GALNTL6: variants seen among roughly 807,000 people sequenced by gnomAD.
GALNTL6 encodes the protein polypeptide N-acetylgalactosaminyltransferase like 6.
In GALNTL6, 46 loss-of-function variants were observed where a neutral mutation model predicts 73.7. That is an observed-to-expected ratio of 0.62 (90% CI 0.49 to 0.80). GALNTL6 has a LOEUF of 0.80. Among genes scored for constraint, GALNTL6 ranks in the 30% least tolerant of loss-of-function variants. The pLI, the probability that GALNTL6 is intolerant of heterozygous loss-of-function variation, is 0.00. For missense variants in GALNTL6, 604 were observed against 755.0 expected (o/e 0.80, Z 2.34); for synonymous variants, 259 against 263.7 (o/e 0.98, Z 0.17).
chr4:171,839,847 T>C (rs1268977482), intron 2 of GALNTL6, among the ~76,000 whole-genome samples: 1 of 152,140 alleles, frequency 6.6e-6, no homozygotes, highest in Non-Finnish European at 1.5e-5. Flanking sequence ...CTCTTTATCA[T>C]GCCTTTCATT....
intron 7 of GALNTL6, among the ~76,000 whole-genome samples, chr4:172,870,536 G>A (rs1744871829): frequency 1.3e-5 from 2 of 152,058 alleles, no homozygotes; most frequent in Non-Finnish European, 2.9e-5. Flanking sequence ...TTTGGCCCAG[G>A]GCCTGTGTGC....
chr4:172,209,054 C>T (rs1736237795), intron 2 of GALNTL6, among the ~76,000 whole-genome samples: 1 of 152,036 alleles, frequency 6.6e-6, no homozygotes, highest in Admixed American at 6.6e-5. Flanking sequence ...CCTGATTCTA[C>T]TCTCTATATT....
At chr4:172,109,364 G>A (rs1180963441) in intron 2 of GALNTL6, among the ~76,000 whole-genome samples, 1 of 152,156 alleles carries the variant, frequency 6.6e-6, no homozygotes, top group African/African-American at 2.4e-5. Context: ...GACTTGGAAT[G>A]GTCCTAGAAT....
At chr4:172,016,862 TAG>T (rs1454703908) in intron 2 of GALNTL6, among the ~76,000 whole-genome samples, 2 of 152,130 alleles carry the variant, frequency 1.3e-5, no homozygotes, top group Admixed American at 1.3e-4. Flanking sequence ...TCCTTAGTTA[TAG>T]AGAGTCTTTA....
intron 2 of GALNTL6, among the ~76,000 whole-genome samples, chr4:171,924,645 T>A (rs7674002): frequency 0.57 from 87,318 of 152,032 alleles, 27,565 homozygotes; most frequent in African/African-American, 0.84. Context: ...AGCATAGCAC[T>A]TGCCTGTCAC....
rs1373864526 is a variant in GALNTL6 at position 172,544,301 on chromosome 4, C to T, written c.553+195612C>T. Among the ~76,000 whole-genome samples, 4 of 152,292 alleles carry T rather than the reference C, an allele frequency of 2.6e-5. No homozygotes were observed. The East Asian group carries it at 5.8e-4, about 22-fold the overall frequency. On this transcript the variant is annotated intron_variant, in intron 5 of 12. Coordinates refer to ENST00000506823, the MANE Select transcript of GALNTL6 (RefSeq NM_001034845.3). ...GGAAACACAATATACTAATTTCATG[C>T]CATGATTTTACTTACACAAGATTGG... is the stretch of plus-strand genomic sequence containing the variant.
intron 5 of GALNTL6, among the ~76,000 whole-genome samples, chr4:172,399,851 C>T (rs1743976820): frequency 6.6e-6 from 1 of 151,940 alleles, no homozygotes; most frequent in African/African-American, 2.4e-5. Context: ...TTTTTTTGCC[C>T]TAAATTTACT....
chr4:172,190,716 CA>C (rs1735552456), intron 2 of GALNTL6, among the ~76,000 whole-genome samples: 2 of 152,130 alleles, frequency 1.3e-5, no homozygotes, highest in Non-Finnish European at 2.9e-5. Flanking sequence ...TTCCCCAAAG[CA>C]ACAAAAAGCC....
chr4:172,773,010 C>T (rs370339648), intron 5 of GALNTL6, among the ~76,000 whole-genome samples: 11 of 152,230 alleles, frequency 7.2e-5, no homozygotes, highest in African/African-American at 2.2e-4. Context: ...AGGAGAGGAA[C>T]GGAACCTCCC....
chr4:172,645,380 AGTAGAAAT>A (rs1740192548), intron 5 of GALNTL6, among the ~76,000 whole-genome samples: 2 of 152,032 alleles, frequency 1.3e-5, no homozygotes, highest in Admixed American at 1.3e-4. Context: ...TATGGTATAA[AGTAGAAAT>A]CAAGTTTCAT....
intron 2 of GALNTL6, among the ~76,000 whole-genome samples, chr4:172,114,096 C>T (rs997560002): frequency 4.6e-5 from 7 of 151,994 alleles, no homozygotes; most frequent in African/African-American, 1.2e-4. Context: ...GAAATGCCAA[C>T]GTGAGCATGC....
At chr4:172,988,690 C>T (rs542275953) in intron 10 of GALNTL6, among the ~76,000 whole-genome samples, 1 of 152,222 alleles carries the variant, frequency 6.6e-6, no homozygotes, top group African/African-American at 2.4e-5. Context: ...TGGGCCAGGC[C>T]CAGGACCCTG....
chr4:172,731,496 A>G (rs1736148209), intron 5 of GALNTL6, among the ~76,000 whole-genome samples: 1 of 152,028 alleles, frequency 6.6e-6, no homozygotes, highest in African/African-American at 2.4e-5. Flanking sequence ...TTTTTAAAAA[A>G]CAACCTTTGC....
At chr4:172,000,422 G>A (rs1337913220) in intron 2 of GALNTL6, among the ~76,000 whole-genome samples, 1 of 152,022 alleles carries the variant, frequency 6.6e-6, no homozygotes, top group Non-Finnish European at 1.5e-5. Context: ...GAGGATCTAG[G>A]GTGTTTATCC....
intron 8 of GALNTL6, among the ~76,000 whole-genome samples, chr4:172,902,414 G>A (rs902684274): frequency 3.3e-5 from 5 of 152,182 alleles, no homozygotes; most frequent in African/African-American, 1.2e-4. Flanking sequence ...CTGCTCTGCA[G>A]AATCTTCTGG....
chr4:172,015,923 A>ATTTTTTTTTTTTTTTTTTT (rs70941375), intron 2 of GALNTL6, among the ~76,000 whole-genome samples: 3 of 44,090 alleles, frequency 6.8e-5, no homozygotes, highest in East Asian at 8.1e-4. Context: ...ATCTAATAGG[A>ATTTTTTTTTTTTTTTTTTT]TTTTTTTTTT....
intron 5 of GALNTL6, among the ~76,000 whole-genome samples, chr4:172,543,661 G>A (rs992560538): frequency 2.0e-5 from 3 of 152,228 alleles, no homozygotes; most frequent in Non-Finnish European, 4.4e-5. Context: ...GGTAAGATGA[G>A]GGTAGTTTCA....
At chr4:172,797,685 C>T (rs1740357749) in intron 5 of GALNTL6, among the ~76,000 whole-genome samples, 1 of 151,934 alleles carries the variant, frequency 6.6e-6, no homozygotes. Context: ...ACTACAGGCA[C>T]ACACCACCAC....
At chr4:172,208,712 G>T (rs187311388) in intron 2 of GALNTL6, among the ~76,000 whole-genome samples, 19 of 152,010 alleles carry the variant, frequency 1.2e-4, no homozygotes, top group Non-Finnish European at 2.2e-4. Context: ...TAGAAGTATT[G>T]GTTCCAAACC....
Sources: allele counts gnomAD v4.1 joint callset (sites outside exome capture counted in the v4.1 genomes callset), GRCh38; gene constraint gnomAD v4.1.1; transcripts MANE v1.5; gene names NCBI Gene and HGNC (gene_info 2026-07-23, HGNC 2026-07-21).